Variants in COL14A1 observed in about 807,000 individuals in gnomAD.
COL14A1 encodes the protein collagen alpha-1(XIV) chain.
COL14A1 carries 136 observed loss-of-function variants against 230.3 expected under a neutral mutation model. The observed-to-expected ratio is 0.59, with a 90% CI of 0.51 to 0.68. The LOEUF is 0.68. Among genes scored for constraint, COL14A1 ranks in the 30% least tolerant of loss-of-function variants. The pLI is 0.00. For missense variants in COL14A1, 1,976 were observed against 2,215.8 expected, an observed-to-expected ratio of 0.89 and a Z score of 2.17; for synonymous variants, 792 against 784.1, an observed-to-expected ratio of 1.01 and a Z score of -0.17.
chr8:120,149,837 G>A (rs1055582345), intron 2 of COL14A1, among the ~76,000 whole-genome samples: 1 of 152,084 alleles, frequency 6.6e-6, no homozygotes, highest in African/African-American at 2.4e-5. Context: ...TGGGATTACA[G>A]GCATGCGCCA....
intron 3 of COL14A1, among the ~76,000 whole-genome samples, chr8:120,161,373 A>T (rs1337986165): frequency 6.6e-6 from 1 of 152,182 alleles, no homozygotes; most frequent in Non-Finnish European, 1.5e-5. Context: ...AGAAAAGTAA[A>T]ATTTGGAATT....
chr8:120,222,410 G>A (rs1817959086), intron 14 of COL14A1, among the ~76,000 whole-genome samples: 1 of 152,198 alleles, frequency 6.6e-6, no homozygotes, highest in Non-Finnish European at 1.5e-5. Context: ...AGGGACAGCT[G>A]GGCTCTGCCA....
chr8:120,315,812 A>G, intron 39 of COL14A1, 132 bp from the exon 40 acceptor site: 1 of 969,600 alleles, frequency 1.0e-6, no homozygotes, highest in African/African-American at 1.6e-5. Flanking sequence ...CTAAGTCTGA[A>G]TTCTAGGTTA....
At chr8:120,295,065 A>G (rs1820482640) in intron 34 of COL14A1, among the ~76,000 whole-genome samples, 1 of 151,784 alleles carries the variant, frequency 6.6e-6, no homozygotes, top group South Asian at 2.1e-4. Flanking sequence ...GGGGCTTGTG[A>G]AAGGCCTTTG....
intron 13 of COL14A1, among the ~76,000 whole-genome samples, chr8:120,215,205 T>C (rs2130773960): frequency 6.6e-6 from 1 of 152,188 alleles, no homozygotes; most frequent in Non-Finnish European, 1.5e-5. Flanking sequence ...CCCCCGTCTC[T>C]ACCAAAAATA....
chr8:120,196,750 C>G (rs370677890), intron 5 of COL14A1, 41 bp from the exon 6 acceptor site: 1 of 1,593,088 alleles, frequency 6.3e-7, no homozygotes, highest in Non-Finnish European at 8.6e-7. Context: ...TGAAGTTGCT[C>G]TGACAGTAAC....
intron 39 of COL14A1, 119 bp from the exon 40 acceptor site, chr8:120,315,825 A>T: frequency 1.9e-6 from 2 of 1,053,184 alleles, no homozygotes; most frequent in Non-Finnish European, 2.9e-6. Flanking sequence ...CTAGGTTACA[A>T]AGGGTTCACC....
chr8:120,363,677 G>C (rs1023566386), intron 45 of COL14A1, among the ~76,000 whole-genome samples: 3 of 152,200 alleles, frequency 2.0e-5, no homozygotes, highest in African/African-American at 7.2e-5. Flanking sequence ...CCACCTAAGA[G>C]TGGCCATGGA....
chr8:120,157,387 C>CA (rs745551891), intron 2 of COL14A1, among the ~76,000 whole-genome samples: 5 of 152,034 alleles, frequency 3.3e-5, no homozygotes, highest in Non-Finnish European at 5.9e-5. Context: ...ATCATATAAT[C>CA]AAAAATATTG....
intron 45 of COL14A1, among the ~76,000 whole-genome samples, chr8:120,364,651 G>C (rs1466369727): frequency 1.3e-5 from 2 of 152,158 alleles, no homozygotes; most frequent in Non-Finnish European, 2.9e-5. Context: ...GGAAGGTTAA[G>C]GTGGGCGGAT....
At chr8:120,277,885 TAC>T (rs1315152516) in intron 26 of COL14A1, 1 of 268,020 alleles carries the variant, frequency 3.7e-6, no homozygotes. Flanking sequence ...GTAACAAACC[TAC>T]ACAATGTACC....
At chr8:120,213,426 A>G (rs752687861) in intron 13 of COL14A1, among the ~76,000 whole-genome samples, 9 of 152,176 alleles carry the variant, frequency 5.9e-5, no homozygotes, top group East Asian at 5.8e-4. Flanking sequence ...TTAAGATTCC[A>G]TTTGGGAAAA....
Position 120,227,378 on chromosome 8 carries a change from G to A in COL14A1, c.2137+26G>A, listed in dbSNP as rs141830461. 181 of 1,612,050 alleles carry A rather than the reference G, an allele frequency of 1.1e-4. No homozygotes were observed. In the African/African-American group the frequency reaches 1.8e-3, roughly 16 times the overall value. ...GTAAGTCTTGGTCTGGCCACAGTGC[G>A]TTTTAGCTGCTCCCACAATCCCTCT... On this transcript the variant is annotated intron_variant, in intron 17 of 47. Coordinates refer to ENST00000297848, the MANE Select transcript of COL14A1 (RefSeq NM_021110.4).
chr8:120,128,724 C>T (rs7820004), intron 1 of COL14A1, among the ~76,000 whole-genome samples: 13,891 of 152,190 alleles, frequency 0.091, 1,694 homozygotes, highest in African/African-American at 0.27. Flanking sequence ...TCCCCGTTTC[C>T]TCCAGGTAAT....
Position 120,266,877 on chromosome 8 carries a change from A to G in COL14A1, c.3067A>G (p.Lys1023Glu), listed in dbSNP as rs1490138138. 2.1e-5 allele frequency: 34 copies of G among 1,608,850 alleles called. No homozygotes were observed. The highest frequency in any genetic ancestry group is 2.9e-5 in the Non-Finnish European group (34 of 1,175,722). ...TTTTCCTCCAACCATTCCACCAGCA[A>G]AAGAAGGTAAAAGAATAATAGAATA... ...PTFPPTIPPAKEVCKAAKADL... is the reference protein window; with the variant it reads ...PTFPPTIPPAEEVCKAAKADL... Residue 1023 changes from lysine (K) to glutamate (E), a missense_variant, in exon 25 of 48, where the codon AAA becomes GAA. Lys to Glu is a moderately conservative substitution (Grantham distance 56, BLOSUM62 1). Transcript: ENST00000297848.
chr8:120,175,866 A>G (rs1206206548), intron 5 of COL14A1, among the ~76,000 whole-genome samples: 1 of 152,176 alleles, frequency 6.6e-6, no homozygotes, highest in Non-Finnish European at 1.5e-5. Context: ...CTATTTTGCT[A>G]TTTCATAATT....
chr8:120,211,002 A>AGAT (rs1378477137), intron 12 of COL14A1, among the ~76,000 whole-genome samples: 1 of 152,202 alleles, frequency 6.6e-6, no homozygotes, highest in African/African-American at 2.4e-5. Flanking sequence ...TAAAACCAAT[A>AGAT]GATTAGCAAA....
At chr8:120,321,411 C>G (rs748237204) in intron 40 of COL14A1, among the ~76,000 whole-genome samples, 12 of 151,990 alleles carry the variant, frequency 7.9e-5, no homozygotes, top group Non-Finnish European at 1.2e-4. Flanking sequence ...GAGGCTGAGG[C>G]AGGTGGATCA....
Position 120,332,843 on chromosome 8 carries a change from G to C in COL14A1, c.4785+108G>C, listed in dbSNP as rs1821918781. The stretch of plus-strand genomic sequence containing the variant: ...TAGTCAGAAATGTTTATTCAGCACT[G>C]GACTCTATGGAAATTCATAAAGGAA... On this transcript the variant is annotated intron_variant, in intron 42 of 47. Coordinates refer to ENST00000297848, the MANE Select transcript of COL14A1 (RefSeq NM_021110.4). 5 of 776,316 alleles carry C rather than the reference G, an allele frequency of 6.4e-6. No homozygotes were observed. In the South Asian group the frequency reaches 1.0e-4, roughly 16 times the overall value. 48.1% of individuals were successfully genotyped at this position (776,316 alleles called of 1,614,324 possible). A position where few individuals can be genotyped will look rare whatever the true frequency, so the allele number is the denominator to read the frequency against.
Sources: allele counts gnomAD v4.1 joint callset (sites outside exome capture counted in the v4.1 genomes callset), GRCh38; gene constraint gnomAD v4.1.1; transcripts MANE v1.5; gene names NCBI Gene and HGNC (gene_info 2026-07-23, HGNC 2026-07-21).